ITGAV: variants seen among roughly 807,000 people sequenced by gnomAD.
The protein encoded by ITGAV is integrin alpha-V.
In ITGAV, 76 loss-of-function variants were observed where a neutral mutation model predicts 143.8. The ratio of observed to expected loss-of-function variants is 0.53; its 90% CI spans 0.44 to 0.64. The LOEUF (loss-of-function observed/expected upper bound fraction) is 0.64. Ranked by LOEUF, ITGAV falls within the 30% of genes least tolerant of loss-of-function variation. ITGAV has a pLI of 0.00. For synonymous variants in ITGAV, 453 were observed against 446.7 expected, an observed-to-expected ratio of 1.01 and a Z score of -0.18; for missense variants, 1,193 against 1,274.7, an observed-to-expected ratio of 0.94 and a Z score of 0.98.
At chr2:186,601,899 A>G in intron 1 of ITGAV, 122 bp from the exon 2 acceptor site, 1 of 947,104 alleles carries the variant, frequency 1.1e-6, no homozygotes, top group Non-Finnish European at 1.5e-6. Context: ...CTCAGTGAAT[A>G]GCAAATGGTT....
intron 7 of ITGAV, among the ~76,000 whole-genome samples, chr2:186,636,794 T>C (rs572050915): frequency 6.6e-6 from 1 of 152,360 alleles, no homozygotes; most frequent in South Asian, 2.1e-4. Context: ...TTCTTTATGA[T>C]GAGTTGTAAA....
intron 6 of ITGAV, among the ~76,000 whole-genome samples, chr2:186,635,559 C>G (rs1687926171): frequency 6.6e-6 from 1 of 152,160 alleles, no homozygotes; most frequent in Non-Finnish European, 1.5e-5. Context: ...AACCAGCTAT[C>G]CTTTCTTGGC....
At chr2:186,618,685 A>G (rs1349271574) in intron 2 of ITGAV, among the ~76,000 whole-genome samples, 2 of 152,236 alleles carry the variant, frequency 1.3e-5, no homozygotes, top group Non-Finnish European at 2.9e-5. Flanking sequence ...ACCTTTCACA[A>G]AGAAGAAATT....
intron 2 of ITGAV, among the ~76,000 whole-genome samples, chr2:186,619,735 A>G (rs960540290): frequency 6.6e-6 from 1 of 152,186 alleles, no homozygotes; most frequent in Non-Finnish European, 1.5e-5. Flanking sequence ...CCACACCTGT[A>G]ATCCCAGCAC....
chr2:186,654,520 A>C, intron 15 of ITGAV, 130 bp from the exon 16 acceptor site: 1 of 532,474 alleles, frequency 1.9e-6, no homozygotes, highest in Non-Finnish European at 3.4e-6. Context: ...TTAGAATAAT[A>C]TTAAGACATG....
At chr2:186,644,417 C>T (rs1688193144) in intron 12 of ITGAV, among the ~76,000 whole-genome samples, 1 of 152,020 alleles carries the variant, frequency 6.6e-6, no homozygotes, top group South Asian at 2.1e-4. Flanking sequence ...CCTCCGCCTC[C>T]TGGGTTCAAG....
intron 28 of ITGAV, 60 bp from the exon 29 acceptor site, chr2:186,676,753 G>T: frequency 6.6e-7 from 1 of 1,515,678 alleles, no homozygotes; most frequent in Non-Finnish European, 9.0e-7. Flanking sequence ...TATTTACTCA[G>T]ATATTTGTTG....
intron 26 of ITGAV, 114 bp downstream of exon 26, chr2:186,669,928 ATTT>A (rs1184313355): frequency 5.6e-6 from 4 of 717,950 alleles, no homozygotes; most frequent in Non-Finnish European, 7.2e-6. Flanking sequence ...AACTACATTT[ATTT>A]TTATACCATG....
intron 6 of ITGAV, 80 bp downstream of exon 6, chr2:186,633,454 T>C: frequency 1.4e-6 from 1 of 716,910 alleles, no homozygotes; most frequent in Admixed American, 2.3e-5. Context: ...TATGACATTT[T>C]ACAAATTATT....
intron 2 of ITGAV, among the ~76,000 whole-genome samples, chr2:186,618,050 A>G (rs1038663793): frequency 6.6e-6 from 1 of 152,238 alleles, no homozygotes; most frequent in Admixed American, 6.5e-5. Context: ...AGTTTCACCC[A>G]GGTCATGAAT....
chr2:186,677,394 G>A lies in ITGAV; in HGVS notation c.*102G>A. 3 of 785,608 alleles carry A rather than the reference G, an allele frequency of 3.8e-6. No homozygotes were observed. Among genetic ancestry groups the A allele is most frequent in the Non-Finnish European group, 6.4e-6 (3 of 469,930 alleles). 48.7% of individuals were successfully genotyped at this position (785,608 alleles called of 1,614,324 possible). On this transcript the variant is annotated 3_prime_UTR_variant, in exon 30 of 30. Transcript: ENST00000261023. ...AGGAGTAAAAATCCAAGGCTTTACT[G>A]CTGATAGTGCTAATTGGCATTAACC...
intron 13 of ITGAV, among the ~76,000 whole-genome samples, chr2:186,649,018 ATATATACACATTTGTGTG>A (rs1269683143): frequency 3.7e-4 from 16 of 42,732 alleles, no homozygotes; most frequent in South Asian, 1.3e-3. Flanking sequence ...TTGTGTGTAT[ATATATACACATTTGTGTG>A]TATATATATA....
At chr2:186,677,051 TTGA>T (rs1193769730) in intron 29 of ITGAV, 116 bp downstream of exon 29, 13 of 1,212,216 alleles carry the variant, frequency 1.1e-5, no homozygotes, top group Non-Finnish European at 1.5e-5. Flanking sequence ...ATGATGATAC[TTGA>T]TGAGCATTAC....
intron 2 of ITGAV, among the ~76,000 whole-genome samples, chr2:186,612,215 A>G (rs1392941163): frequency 1.3e-5 from 2 of 152,266 alleles, no homozygotes; most frequent in East Asian, 3.9e-4. Context: ...AGCAGATGCT[A>G]CTGACAGTCT....
At chr2:186,657,952 A>AG (rs1028175720) in intron 17 of ITGAV, among the ~76,000 whole-genome samples, 5 of 140,358 alleles carry the variant, frequency 3.6e-5, no homozygotes, top group African/African-American at 7.5e-5. Context: ...GCTCTTTGAA[A>AG]GAAAAAAAAA....
intron 2 of ITGAV, among the ~76,000 whole-genome samples, chr2:186,604,138 C>A (rs1686991657): frequency 6.6e-6 from 1 of 151,934 alleles, no homozygotes; most frequent in Non-Finnish European, 1.5e-5. Flanking sequence ...TCCTGAAGTC[C>A]TGAGACTACA....
chr2:186,677,785 A>G lies in ITGAV; in HGVS notation c.*493A>G, dbSNP rs1431392613. On this transcript the variant is annotated 3_prime_UTR_variant, in exon 30 of 30. Coordinates refer to ENST00000261023, the MANE Select transcript of ITGAV (RefSeq NM_002210.5). ...AGAATACTAAAGACTTTATAACTGC[A>G]TGAACTTGGATTTTTTTAATCACTC... The G allele has an allele frequency of 4.6e-5, 7 of 153,062 alleles. No individual in the cohort carries two copies. The highest frequency in any genetic ancestry group is 2.6e-4 in the Admixed American group (4 of 15,316). The allele number at this position is 153,062 out of a possible 1,614,324, so 9.5% of individuals were successfully genotyped here. A position where few individuals can be genotyped will look rare whatever the true frequency, so the allele number is the denominator to read the frequency against.
intron 10 of ITGAV, among the ~76,000 whole-genome samples, chr2:186,639,179 G>T (rs905172500): frequency 1.3e-5 from 2 of 152,036 alleles, no homozygotes; most frequent in Admixed American, 6.5e-5. Flanking sequence ...TGCGAGTACA[G>T]GCATTTTATA....
intron 26 of ITGAV, among the ~76,000 whole-genome samples, chr2:186,672,223 T>A (rs1689087258): frequency 6.6e-6 from 1 of 152,204 alleles, no homozygotes; most frequent in Admixed American, 6.5e-5. Flanking sequence ...GTGTTGGGAT[T>A]ACAGGCGTGA....
Sources: gnomAD v4.1 joint callset for allele counts (sites outside exome capture counted in the v4.1 genomes callset) on GRCh38, gnomAD v4.1.1 for gene constraint, MANE v1.5 for transcripts, NCBI Gene and HGNC (gene_info 2026-07-23, HGNC 2026-07-21) for gene names.